The following GABRB1 variants were observed in gnomAD, a reference collection of about 807,000 sequenced individuals.
GABRB1 encodes the protein gamma-aminobutyric acid type A receptor subunit beta1, also known as gamma-aminobutyric acid receptor subunit beta-1.
A neutral mutation model predicts 51.6 loss-of-function variants in GABRB1; 17 were observed. The observed-to-expected ratio is 0.33, with a 90% CI of 0.23 to 0.49. GABRB1 has a LOEUF of 0.49. GABRB1 is among the 20% of genes least tolerant of loss of function. The pLI is 0.99. For synonymous variants in GABRB1, 247 were observed against 218.9 expected, an observed-to-expected ratio of 1.13 and a Z score of -1.14; for missense variants, 410 against 600.6, an observed-to-expected ratio of 0.68 and a Z score of 3.32.
At chr4:47,358,962 A>G (rs1024142614) in intron 5 of GABRB1, among the ~76,000 whole-genome samples, 1 of 152,170 alleles carries the variant, frequency 6.6e-6, no homozygotes, top group African/African-American at 2.4e-5. Context: ...ATTGGAAGCC[A>G]AGGTCTCCTG....
At chr4:47,178,195 C>T (rs1280287754) in intron 4 of GABRB1, among the ~76,000 whole-genome samples, 3 of 152,022 alleles carry the variant, frequency 2.0e-5, no homozygotes, top group African/African-American at 4.8e-5. Context: ...AAAATGCATT[C>T]GGAATGAGTA....
intron 3 of GABRB1, among the ~76,000 whole-genome samples, chr4:47,056,977 G>C (rs1007936528): frequency 6.6e-6 from 1 of 152,040 alleles, no homozygotes; most frequent in African/African-American, 2.4e-5. Context: ...ATGGTGGCAT[G>C]CCCCTGTAAT....
At position 47,101,374 on chromosome 4, in the gene GABRB1, G is replaced by T. The variant is rs181457133; in HGVS notation, c.241-59875G>T. Among the ~76,000 whole-genome samples, 15 of 151,586 alleles carry T rather than the reference G, an allele frequency of 9.9e-5. No individual in the cohort carries two copies. The East Asian group carries it at 3.0e-3, about 30-fold the overall frequency. ...GCAGACCAAATGCCAGTTTTGTCTTGTAATTGATTTTAAATATGAAAAAAG... is the reference window on the plus strand; with the variant it reads ...GCAGACCAAATGCCAGTTTTGTCTTTTAATTGATTTTAAATATGAAAAAAG... On this transcript the variant is annotated intron_variant, in intron 3 of 8. Transcript: ENST00000295454.
chr4:47,421,428 G>A (rs2110067436), intron 8 of GABRB1, among the ~76,000 whole-genome samples: 1 of 152,132 alleles, frequency 6.6e-6, no homozygotes, highest in East Asian at 1.9e-4. Flanking sequence ...ATGATGCATA[G>A]AGTGCAGATC....
intron 8 of GABRB1, among the ~76,000 whole-genome samples, chr4:47,412,550 T>C (rs561831543): frequency 5.8e-4 from 89 of 152,320 alleles, no homozygotes; most frequent in African/African-American, 2.1e-3. Flanking sequence ...TAGCATTACA[T>C]GTAATCTTTA....
At chr4:47,264,736 G>A (rs921326492) in intron 4 of GABRB1, among the ~76,000 whole-genome samples, 1 of 152,132 alleles carries the variant, frequency 6.6e-6, no homozygotes, top group African/African-American at 2.4e-5. Context: ...ACACCTGGGG[G>A]AATTACCAAC....
At chr4:47,125,756 C>T (rs1031086538) in intron 3 of GABRB1, among the ~76,000 whole-genome samples, 1 of 147,028 alleles carries the variant, frequency 6.8e-6, no homozygotes, top group Admixed American at 6.9e-5. Context: ...GGGGTTTCAC[C>T]GTTTTAGCCG....
intron 3 of GABRB1, among the ~76,000 whole-genome samples, chr4:47,065,488 G>A (rs1727036499): frequency 6.6e-6 from 1 of 152,178 alleles, no homozygotes; most frequent in South Asian, 2.1e-4. Context: ...AAACATGAAG[G>A]AAGATAAAGA....
intron 4 of GABRB1, among the ~76,000 whole-genome samples, chr4:47,170,892 G>T (rs1287829660): frequency 6.6e-6 from 1 of 152,052 alleles, no homozygotes; most frequent in Non-Finnish European, 1.5e-5. Context: ...TTCATCACTG[G>T]AGTAGAGAGA....
At chr4:47,322,615 T>G (rs1163624111) in intron 5 of GABRB1, among the ~76,000 whole-genome samples, 1 of 152,188 alleles carries the variant, frequency 6.6e-6, no homozygotes, top group African/African-American at 2.4e-5. Context: ...CAAGCCCAAG[T>G]GTTCTTCTCT....
intron 8 of GABRB1, among the ~76,000 whole-genome samples, chr4:47,418,285 T>C (rs767197644): frequency 2.0e-4 from 30 of 152,198 alleles, no homozygotes; most frequent in Non-Finnish European, 3.2e-4. Context: ...CCAAAATCTG[T>C]CAGGCAGGTT....
At chr4:47,334,878 C>T (rs536064432) in intron 5 of GABRB1, among the ~76,000 whole-genome samples, 2 of 152,272 alleles carry the variant, frequency 1.3e-5, no homozygotes, top group African/African-American at 4.8e-5. Flanking sequence ...AAAGCTCTAG[C>T]TTCACATGAA....
chr4:47,138,296 G>A (rs535948560), intron 3 of GABRB1, among the ~76,000 whole-genome samples: 3 of 152,094 alleles, frequency 2.0e-5, no homozygotes, highest in South Asian at 2.1e-4. Context: ...GGCTTTTATC[G>A]ATTTGTATCA....
intron 3 of GABRB1, among the ~76,000 whole-genome samples, chr4:47,038,495 A>T (rs1305077200): frequency 6.6e-6 from 1 of 152,174 alleles, no homozygotes; most frequent in Non-Finnish European, 1.5e-5. Flanking sequence ...ACCACAACTG[A>T]AGTAATAATT....
chr4:47,263,919 A>C (rs1389271920), intron 4 of GABRB1, among the ~76,000 whole-genome samples: 5 of 152,078 alleles, frequency 3.3e-5, no homozygotes, highest in Admixed American at 6.6e-5. Context: ...GGCCAAGGCC[A>C]GTGGATTATT....
At chr4:47,055,167 C>T (rs1321003606) in intron 3 of GABRB1, among the ~76,000 whole-genome samples, 1 of 152,156 alleles carries the variant, frequency 6.6e-6, no homozygotes, top group Non-Finnish European at 1.5e-5. Context: ...TAAGACATTG[C>T]TACTTCTTAT....
intron 3 of GABRB1, among the ~76,000 whole-genome samples, chr4:47,052,213 C>T (rs1577862393): frequency 6.6e-6 from 1 of 152,134 alleles, no homozygotes; most frequent in African/African-American, 2.4e-5. Context: ...GCTGAAGAAA[C>T]TTGAGTTCCC....
chr4:47,339,530 T>C (rs1725808533), intron 5 of GABRB1, among the ~76,000 whole-genome samples: 1 of 127,748 alleles, frequency 7.8e-6, no homozygotes, highest in Admixed American at 8.7e-5. Context: ...TTTATGTGTG[T>C]ATGTGTGCAT....
At chr4:47,073,623 C>A (rs956218637) in intron 3 of GABRB1, among the ~76,000 whole-genome samples, 7 of 152,182 alleles carry the variant, frequency 4.6e-5, no homozygotes, top group Admixed American at 1.3e-4. Flanking sequence ...CTTTGAAGAA[C>A]CTCTTTGTTT....
Sources: allele counts gnomAD v4.1 joint callset (sites outside exome capture counted in the v4.1 genomes callset), GRCh38; gene constraint gnomAD v4.1.1; transcripts MANE v1.5; gene names NCBI Gene and HGNC (gene_info 2026-07-23, HGNC 2026-07-21).